The following RPTOR variants were observed in gnomAD, a reference collection of about 807,000 sequenced individuals.
RPTOR encodes the protein regulatory-associated protein of mTOR.
A neutral mutation model predicts 169.9 loss-of-function variants in RPTOR; 21 were observed. The ratio of observed to expected loss-of-function variants is 0.12; its 90% confidence interval spans 0.09 to 0.18. The LOEUF is 0.18. RPTOR is among the 10% of genes least tolerant of loss of function. The pLI, the probability that RPTOR is intolerant of heterozygous loss-of-function variation, is 1.00. For synonymous variants in RPTOR, 732 were observed against 753.2 expected, an observed-to-expected ratio of 0.97 and a Z score of 0.46; for missense variants, 1,133 against 1,855.9, an observed-to-expected ratio of 0.61 and a Z score of 7.16.
intron 24 of RPTOR, among the ~76,000 whole-genome samples, chr17:80,927,944 AGAG>A (rs1183790652): frequency 1.3e-5 from 2 of 152,092 alleles, no homozygotes; most frequent in Non-Finnish European, 2.9e-5. Flanking sequence ...TGGACACTGC[AGAG>A]GAGATTAGTC....
chr17:80,639,298 T>C (rs2065533538), intron 2 of RPTOR, among the ~76,000 whole-genome samples: 1 of 151,330 alleles, frequency 6.6e-6, no homozygotes, highest in Non-Finnish European at 1.5e-5. Flanking sequence ...AAATGTTTAT[T>C]AAGTGTCTGC....
chr17:80,786,418 A>G (rs992527138), intron 6 of RPTOR, among the ~76,000 whole-genome samples: 5 of 152,248 alleles, frequency 3.3e-5, no homozygotes, highest in Admixed American at 3.3e-4. Flanking sequence ...GATATTTGAC[A>G]AGGTTACCGA....
rs1355867989 is a variant in RPTOR at position 80,800,112 on chromosome 17, A to G, written c.890+8603A>G. 5.9e-5 allele frequency among the ~76,000 whole-genome samples: 9 copies of G among 152,208 alleles called. No homozygotes were observed. The East Asian group carries it at 1.7e-3, about 29-fold the overall frequency. On this transcript the variant is annotated intron_variant, in intron 7 of 33. Transcript: ENST00000306801. ...GGGGTTTGGGGGCTGAGTGTGGCAC[A>G]GCACCACTTTCATGCCCTCTGGAAG...
chr17:80,876,816 C>T (rs2068122357), intron 13 of RPTOR, among the ~76,000 whole-genome samples: 1 of 121,602 alleles, frequency 8.2e-6, no homozygotes, highest in East Asian at 2.6e-4. Flanking sequence ...GTGTGTGTGT[C>T]GCCTGCCGGG....
At chr17:80,839,529 A>G (rs970573472) in intron 10 of RPTOR, among the ~76,000 whole-genome samples, 2 of 150,718 alleles carry the variant, frequency 1.3e-5, no homozygotes, top group Non-Finnish European at 2.9e-5. Flanking sequence ...CTGGGCTTCT[A>G]GACAAAGGCC....
rs534976831 is a variant in RPTOR at position 80,556,145 on chromosome 17, C to T, written c.162+10354C>T. Among the ~76,000 whole-genome samples, 28 of 152,156 alleles carry T rather than the reference C, an allele frequency of 1.8e-4. No individual in the cohort carries two copies. In the South Asian group the frequency reaches 3.3e-3, roughly 18 times the overall value. ...GCCTTACATGTGGCCACACAGCCAC[C>T]GTCAGGGCCTCCTATTTCTCCAGAA... is the stretch of plus-strand genomic sequence containing the variant. On this transcript the variant is annotated intron_variant, in intron 1 of 33. Coordinates refer to ENST00000306801, the MANE Select transcript of RPTOR (RefSeq NM_020761.3).
At chr17:80,643,972 T>C (rs1447594995) in intron 3 of RPTOR, among the ~76,000 whole-genome samples, 162 bp downstream of exon 3, 1 of 152,282 alleles carries the variant, frequency 6.6e-6, no homozygotes, top group African/African-American at 2.4e-5. Context: ...TTCTGCCTGC[T>C]GGCTATTGGT....
rs1337012855 is a variant in RPTOR at position 80,545,660 on chromosome 17, C to T, written c.31C>T (p.Leu11=). Residue 11 remains leucine (L), a synonymous_variant, in exon 1 of 34, where the codon CTG becomes TTG. Transcript: ENST00000306801. MESEMLQSPL[L]GLGEEDEADL... is the part of the protein sequence containing the mutation. Reference sequence around the variant, plus strand: ...GTCCGAAATGCTGCAATCGCCTCTTCTGGGCCTGGGGGAGGAAGATGAGGC... The same window carrying T: ...GTCCGAAATGCTGCAATCGCCTCTTTTGGGCCTGGGGGAGGAAGATGAGGC... 1 of 1,613,358 alleles carries T rather than the reference C, an allele frequency of 6.2e-7. No homozygotes were observed. Among genetic ancestry groups the T allele is most frequent in the Non-Finnish European group, 8.5e-7 (1 of 1,179,632 alleles).
rs2068213525 is a variant in RPTOR at position 80,883,970 on chromosome 17, G to C, written c.1840G>C (p.Glu614Gln). The change falls in exon 16 of 34, where the codon GAG becomes CAG. Residue 614 changes from glutamate to glutamine, a missense_variant and splice_region_variant. Glu to Gln is a conservative substitution (Grantham distance 29). Around this residue, in one of 9 missense-constraint regions of RPTOR, gnomAD observed 289 missense variants for 585.8 expected, o/e 0.49. Coordinates refer to ENST00000306801, the MANE Select transcript of RPTOR (RefSeq NM_020761.3). The stretch of plus-strand genomic sequence containing the variant: ...CAGCCTCCTCTCCGACCCCATTCCC[G>C]AGGTGAGTCAGGCGGGGGCTCAGAG... ...LYSLLSDPIP[E>Q]VRCAAVFALG... 1 of 1,607,198 alleles carries C rather than the reference G, an allele frequency of 6.2e-7. No homozygotes were observed. The highest frequency in any genetic ancestry group is 1.1e-5 in the South Asian group (1 of 90,924).
At chr17:80,766,421 C>T (rs1013482943) in intron 6 of RPTOR, among the ~76,000 whole-genome samples, 2 of 152,202 alleles carry the variant, frequency 1.3e-5, no homozygotes, top group African/African-American at 2.4e-5. Flanking sequence ...ACAGTCATAG[C>T]TCACTGCATC....
rs377617414 is a variant in RPTOR at position 80,794,165 on chromosome 17, G to A, written c.890+2656G>A. On this transcript the variant is annotated intron_variant, in intron 7 of 33. Coordinates refer to ENST00000306801, the MANE Select transcript of RPTOR (RefSeq NM_020761.3). ...ATATGAAAAGACAAGCTATAGACTC[G>A]GAGAAAATATTTGCAAGTCACATAT... 9.9e-5 allele frequency among the ~76,000 whole-genome samples: 15 copies of A among 152,200 alleles called. No individual in the cohort carries two copies. In the South Asian group the frequency reaches 2.5e-3, roughly 25 times the overall value.
At chr17:80,892,007 G>T (rs1420644991) in intron 18 of RPTOR, among the ~76,000 whole-genome samples, 170 bp downstream of exon 18, 1 of 152,140 alleles carries the variant, frequency 6.6e-6, no homozygotes, top group Admixed American at 6.5e-5. Flanking sequence ...AGATTTAAAA[G>T]GGCAGGAAAG....
intron 11 of RPTOR, among the ~76,000 whole-genome samples, chr17:80,850,023 AAG>A (rs950070758): frequency 6.6e-6 from 1 of 152,208 alleles, no homozygotes; most frequent in Non-Finnish European, 1.5e-5. Context: ...TTTCAGGAAA[AAG>A]GTGACAGTGA....
At chr17:80,934,367 T>C (rs1483364195) in intron 24 of RPTOR, among the ~76,000 whole-genome samples, 1 of 152,168 alleles carries the variant, frequency 6.6e-6, no homozygotes, top group Non-Finnish European at 1.5e-5. Context: ...TTTCTTGTTT[T>C]GTTTTGTTTG....
chr17:80,807,498 A>G (rs56179246), intron 7 of RPTOR, among the ~76,000 whole-genome samples: 26,583 of 151,914 alleles, frequency 0.17, 4,436 homozygotes, highest in African/African-American at 0.44. Flanking sequence ...TTACAGGCAC[A>G]CACCACCACA....
intron 3 of RPTOR, among the ~76,000 whole-genome samples, chr17:80,694,793 G>C (rs869190): frequency 5.9e-5 from 9 of 152,178 alleles, no homozygotes; most frequent in African/African-American, 1.9e-4. Flanking sequence ...CATTCTGGCG[G>C]TTCCTGGCTT....
At chr17:80,554,691 C>T (rs1188606981) in intron 1 of RPTOR, among the ~76,000 whole-genome samples, 2 of 151,972 alleles carry the variant, frequency 1.3e-5, no homozygotes, top group Non-Finnish European at 2.9e-5. Context: ...TTGCAGTGAG[C>T]TGAGATTGCG....
At chr17:80,737,941 C>T (rs1267327814) in intron 5 of RPTOR, among the ~76,000 whole-genome samples, 1 of 152,092 alleles carries the variant, frequency 6.6e-6, no homozygotes, top group Non-Finnish European at 1.5e-5. Context: ...AGTAGAAACC[C>T]CTTTAATTGG....
chr17:80,798,296 C>A (rs906950432), intron 7 of RPTOR, among the ~76,000 whole-genome samples: 1 of 152,196 alleles, frequency 6.6e-6, no homozygotes, highest in African/African-American at 2.4e-5. Context: ...AGCCGCCTTG[C>A]CCATGCCACA....
Sources: gnomAD v4.1 joint callset for allele counts (sites outside exome capture counted in the v4.1 genomes callset) on GRCh38, gnomAD v4.1.1 for gene constraint, gnomAD v4.1.1 regional missense constraint, MANE v1.5 for transcripts, NCBI Gene and HGNC (gene_info 2026-07-23, HGNC 2026-07-21) for gene names.